The following GALNTL6 variants were observed in gnomAD, a reference collection of about 807,000 sequenced individuals.
The protein encoded by GALNTL6 is polypeptide N-acetylgalactosaminyltransferase-like 6.
Under a neutral mutation model 73.7 loss-of-function variants are expected in GALNTL6, and 46 were observed. The observed-to-expected ratio is 0.62, with a 90% CI of 0.49 to 0.80. The LOEUF (loss-of-function observed/expected upper bound fraction) is 0.80. Among genes scored for constraint, GALNTL6 ranks in the 30% least tolerant of loss-of-function variants. The pLI, the probability that GALNTL6 is intolerant of heterozygous loss-of-function variation, is 0.00. For synonymous variants in GALNTL6, 259 were observed against 263.7 expected (o/e 0.98, Z 0.17); for missense variants, 604 against 755.0 (o/e 0.80, Z 2.34).
At chr4:172,668,226 TTGAA>T (rs1337457661) in intron 5 of GALNTL6, 1 of 152,212 alleles carries the variant, frequency 6.6e-6, no homozygotes, top group Non-Finnish European at 1.5e-5. Flanking sequence ...TGAAGCAGAA[TTGAA>T]TGAATTCTAT....
chr4:172,694,830 C>G (rs1733587739), intron 5 of GALNTL6, among the ~76,000 whole-genome samples: 2 of 152,132 alleles, frequency 1.3e-5, no homozygotes, highest in African/African-American at 4.8e-5. Context: ...AAAATTATTT[C>G]TGCTTTTTAA....
chr4:172,538,133 C>G (rs1056933396), intron 5 of GALNTL6, among the ~76,000 whole-genome samples: 2 of 152,134 alleles, frequency 1.3e-5, no homozygotes, highest in African/African-American at 4.8e-5. Flanking sequence ...TGTATATACA[C>G]AGACATCAGA....
chr4:171,904,654 A>T (rs894100441), intron 2 of GALNTL6, among the ~76,000 whole-genome samples: 1 of 152,114 alleles, frequency 6.6e-6, no homozygotes, highest in Non-Finnish European at 1.5e-5. Context: ...TGCCACAAAG[A>T]TACTCCCTGA....
chr4:173,012,982 A>G (rs1216861211), intron 11 of GALNTL6, among the ~76,000 whole-genome samples: 1 of 152,230 alleles, frequency 6.6e-6, no homozygotes, highest in East Asian at 1.9e-4. Context: ...TACTAAAAAT[A>G]CAAAAATCAG....
intron 5 of GALNTL6, among the ~76,000 whole-genome samples, chr4:172,534,197 C>T (rs1038869975): frequency 6.6e-6 from 1 of 152,156 alleles, no homozygotes; most frequent in Non-Finnish European, 1.5e-5. Flanking sequence ...CACCAACTCC[C>T]AGCAAGTATT....
intron 5 of GALNTL6, among the ~76,000 whole-genome samples, chr4:172,528,028 T>C (rs1735021152): frequency 2.0e-5 from 3 of 151,806 alleles, no homozygotes; most frequent in African/African-American, 7.2e-5. Flanking sequence ...AAACTAAAAT[T>C]GTACTTATTA....
chr4:172,962,715 A>G (rs1484431747), intron 10 of GALNTL6, among the ~76,000 whole-genome samples: 1 of 152,148 alleles, frequency 6.6e-6, no homozygotes, highest in Non-Finnish European at 1.5e-5. Flanking sequence ...ACAGTTTTCC[A>G]CCTGCTTGTC....
At chr4:172,434,621 C>A (rs1004119562) in intron 5 of GALNTL6, among the ~76,000 whole-genome samples, 14 of 152,148 alleles carry the variant, frequency 9.2e-5, no homozygotes, top group South Asian at 6.2e-4. Context: ...CACAGAATAA[C>A]TTGCCTTCCT....
chr4:172,521,836 T>C (rs571032064), intron 5 of GALNTL6, among the ~76,000 whole-genome samples: 2 of 152,210 alleles, frequency 1.3e-5, no homozygotes, highest in African/African-American at 2.4e-5. Flanking sequence ...TTAAATTATA[T>C]GAAAACAGTC....
intron 5 of GALNTL6, among the ~76,000 whole-genome samples, chr4:172,796,091 A>AT (rs1012522331): frequency 4.0e-5 from 6 of 151,004 alleles, no homozygotes; most frequent in South Asian, 2.1e-4. Context: ...AAACTCAGTG[A>AT]TTTTTTTTTC....
At position 172,363,401 on chromosome 4, in the gene GALNTL6, T is replaced by TA. The variant is rs201440303; in HGVS notation, c.553+14719dup. On this transcript the variant is annotated intron_variant, in intron 5 of 12. Coordinates refer to ENST00000506823, the MANE Select transcript of GALNTL6 (RefSeq NM_001034845.3). ...CCTTGAACAAATTACTTAAAAAATATAAAAAAACACTCCATGACTCAGTTT... is the reference window on the plus strand; with the variant it reads ...CCTTGAACAAATTACTTAAAAAATATAAAAAAAACACTCCATGACTCAGTTT... 8.4e-4 allele frequency among the ~76,000 whole-genome samples: 128 copies of TA among 152,078 alleles called. 1 individual carries two copies. In the South Asian group the frequency reaches 0.016, roughly 19 times the overall value.
At chr4:172,131,999 T>C (rs1180360368) in intron 2 of GALNTL6, among the ~76,000 whole-genome samples, 1 of 152,078 alleles carries the variant, frequency 6.6e-6, no homozygotes, top group East Asian at 1.9e-4. Context: ...AGAGTATTTA[T>C]TGAGCACTTA....
Position 173,041,431 on chromosome 4 carries a change from TC to T in GALNTL6, c.*1332del. 6.6e-6 allele frequency: 1 copy of T among 152,282 alleles called. No individual in the cohort carries two copies. Among genetic ancestry groups the T allele is most frequent in the Non-Finnish European group, 1.5e-5 (1 of 68,022 alleles). The allele number at this position is 152,282 out of a possible 1,614,324, so 9.4% of individuals were successfully genotyped here. On this transcript the variant is annotated 3_prime_UTR_variant, in exon 13 of 13. Coordinates refer to ENST00000506823, the MANE Select transcript of GALNTL6 (RefSeq NM_001034845.3). The stretch of plus-strand genomic sequence containing the variant: ...AAGAAAACACAGGTATCAAGGTGGT[TC>T]TTGGGAAAAAAGAATCATGTTTATT...
chr4:172,247,549 T>C (rs914734754), intron 3 of GALNTL6, among the ~76,000 whole-genome samples: 2 of 152,200 alleles, frequency 1.3e-5, no homozygotes, highest in Non-Finnish European at 2.9e-5. Flanking sequence ...TGGAAACCAA[T>C]GTCCAATAGA....
chr4:172,998,820 A>G (rs1208961767), intron 10 of GALNTL6, among the ~76,000 whole-genome samples: 1 of 152,064 alleles, frequency 6.6e-6, no homozygotes, highest in African/African-American at 2.4e-5. Flanking sequence ...AAAAAAAGTC[A>G]TTCCCTGGAG....
intron 11 of GALNTL6, among the ~76,000 whole-genome samples, chr4:173,018,474 C>A (rs1319449478): frequency 6.6e-5 from 10 of 152,120 alleles, no homozygotes; most frequent in Non-Finnish European, 1.3e-4. Context: ...GTGCTGGAAA[C>A]ACAAAGGTAA....
intron 5 of GALNTL6, among the ~76,000 whole-genome samples, chr4:172,413,288 A>G (rs1162765214): frequency 6.6e-6 from 1 of 152,226 alleles, no homozygotes; most frequent in Non-Finnish European, 1.5e-5. Flanking sequence ...TAGACACTCT[A>G]TAACAGATGT....
At chr4:172,901,748 C>T (rs1475752805) in intron 8 of GALNTL6, among the ~76,000 whole-genome samples, 2 of 152,130 alleles carry the variant, frequency 1.3e-5, no homozygotes, top group African/African-American at 2.4e-5. Context: ...GAGTGCTCTT[C>T]AAATCTGTTT....
chr4:172,667,459 T>G (rs1443200846), intron 5 of GALNTL6: 1 of 151,448 alleles, frequency 6.6e-6, no homozygotes, highest in East Asian at 1.9e-4. Context: ...ATGGACGGGG[T>G]GTGTTCTTTT....
Sources: allele counts gnomAD v4.1 joint callset (sites outside exome capture counted in the v4.1 genomes callset), GRCh38; gene constraint gnomAD v4.1.1; transcripts MANE v1.5; gene names NCBI Gene and HGNC (gene_info 2026-07-23, HGNC 2026-07-21).